Variants in COL26A1 observed in about 807,000 individuals in gnomAD.
COL26A1 encodes the protein collagen alpha-1(XXVI) chain.
Under a neutral mutation model 59.3 loss-of-function variants are expected in COL26A1, and 41 were observed. That is an observed-to-expected ratio of 0.69 (90% CI 0.54 to 0.90). COL26A1 has a LOEUF of 0.90. COL26A1 is among the 40% of genes least tolerant of loss of function. COL26A1 has a pLI of 0.00. For synonymous variants in COL26A1, 266 were observed against 256.0 expected (o/e 1.04, Z -0.37); for missense variants, 612 against 602.3 (o/e 1.02, Z -0.17).
chr7:101,369,039 A>G (rs1041388364), intron 1 of COL26A1, among the ~76,000 whole-genome samples: 2 of 151,972 alleles, frequency 1.3e-5, no homozygotes, highest in African/African-American at 4.8e-5. Context: ...TCTTACACAG[A>G]GGTAATATGC....
At position 101,553,493 on chromosome 7, in the gene COL26A1, G is replaced by A. The variant is rs867951243; in HGVS notation, c.1080+117G>A. The stretch of plus-strand genomic sequence containing the variant: ...GTCAGCCAGCCCCGAGCTGGGTGCT[G>A]GGCCACCGGGTGTACAGGGCCCCTG... On this transcript the variant is annotated intron_variant, in intron 11 of 12. Coordinates refer to ENST00000313669, the MANE Select transcript of COL26A1 (RefSeq NM_001278563.3). 5 of 959,708 alleles carry A rather than the reference G, an allele frequency of 5.2e-6. 1 individual carries two copies. In the Middle Eastern group the frequency reaches 7.8e-4, roughly 149 times the overall value. 59.4% of individuals were successfully genotyped at this position (959,708 alleles called of 1,614,324 possible). A position where few individuals can be genotyped will look rare whatever the true frequency, so the allele number is the denominator to read the frequency against.
intron 1 of COL26A1, among the ~76,000 whole-genome samples, chr7:101,404,001 G>A (rs1792072370): frequency 6.6e-6 from 1 of 152,192 alleles, no homozygotes; most frequent in East Asian, 1.9e-4. Flanking sequence ...GGCTGAGGCA[G>A]GAGAATCGCT....
At chr7:101,457,328 TTA>T (rs1308773363) in intron 3 of COL26A1, among the ~76,000 whole-genome samples, 1 of 152,178 alleles carries the variant, frequency 6.6e-6, no homozygotes, top group Non-Finnish European at 1.5e-5. Context: ...GTCATCAATG[TTA>T]TGACCTCTGG....
chr7:101,387,391 AT>A (rs1423307932), intron 1 of COL26A1, among the ~76,000 whole-genome samples: 2 of 150,056 alleles, frequency 1.3e-5, no homozygotes, highest in South Asian at 2.1e-4. Flanking sequence ...AAAAAAGTTT[AT>A]TTTTTCCCCC....
chr7:101,537,988 CT>C (rs898093312), intron 4 of COL26A1, among the ~76,000 whole-genome samples: 1 of 152,022 alleles, frequency 6.6e-6, no homozygotes, highest in African/African-American at 2.4e-5. Context: ...CCTTGTTCGA[CT>C]GGGGGCATTT....
intron 1 of COL26A1, among the ~76,000 whole-genome samples, chr7:101,414,432 T>TTGTGTGTGTGTGTGTGTGTGTGTGTG (rs34282686): frequency 2.7e-5 from 4 of 146,180 alleles, no homozygotes; most frequent in African/African-American, 1.0e-4. Context: ...CACTCTGTGT[T>TTGTGTGTGTGTGTGTGTGTGTGTGTG]TGTGTGTGTG....
intron 2 of COL26A1, among the ~76,000 whole-genome samples, chr7:101,423,281 CA>C (rs1020808762): frequency 4.7e-5 from 7 of 149,602 alleles, no homozygotes; most frequent in African/African-American, 1.7e-4. Context: ...AAAAACCAAA[CA>C]AAAAAAAAGA....
intron 1 of COL26A1, among the ~76,000 whole-genome samples, chr7:101,405,997 G>A (rs1792120189): frequency 6.6e-6 from 1 of 152,140 alleles, no homozygotes; most frequent in South Asian, 2.1e-4. Context: ...CTGGTGGCAC[G>A]GCCGTGCTCC....
intron 6 of COL26A1, among the ~76,000 whole-genome samples, chr7:101,544,411 G>C (rs1795685672): frequency 6.6e-6 from 1 of 151,936 alleles, no homozygotes; most frequent in African/African-American, 2.4e-5. Flanking sequence ...ATTTTCAATA[G>C]AGACAGGATT....
At chr7:101,409,856 G>A (rs781547171) in intron 1 of COL26A1, among the ~76,000 whole-genome samples, 1 of 152,130 alleles carries the variant, frequency 6.6e-6, no homozygotes, top group Non-Finnish European at 1.5e-5. Context: ...CACCTCCCGG[G>A]TTCATGCCAT....
At chr7:101,529,950 C>G (rs144454743) in intron 3 of COL26A1, among the ~76,000 whole-genome samples, 2 of 152,110 alleles carry the variant, frequency 1.3e-5, no homozygotes, top group Non-Finnish European at 1.5e-5. Flanking sequence ...GGCAGGCATT[C>G]GGGTCTGTGC....
chr7:101,524,768 T>C (rs546455793), intron 3 of COL26A1, among the ~76,000 whole-genome samples: 2 of 152,346 alleles, frequency 1.3e-5, no homozygotes, highest in African/African-American at 4.8e-5. Flanking sequence ...TTGTAAACTG[T>C]CTTTATATTC....
At chr7:101,409,053 C>A (rs1792188455) in intron 1 of COL26A1, among the ~76,000 whole-genome samples, 1 of 152,202 alleles carries the variant, frequency 6.6e-6, no homozygotes, top group Non-Finnish European at 1.5e-5. Flanking sequence ...CAGTTTCCTT[C>A]TCTGTAAAAG....
At chr7:101,379,938 C>T (rs1331552541) in intron 1 of COL26A1, among the ~76,000 whole-genome samples, 1 of 152,224 alleles carries the variant, frequency 6.6e-6, no homozygotes, top group East Asian at 1.9e-4. Context: ...ACCAGCGGCC[C>T]TTAGGGCTGC....
At chr7:101,381,093 C>A (rs377285916) in intron 1 of COL26A1, among the ~76,000 whole-genome samples, 18 of 152,248 alleles carry the variant, frequency 1.2e-4, no homozygotes, top group Admixed American at 3.3e-4. Flanking sequence ...TAAAATAATA[C>A]CAGTTCATTA....
intron 2 of COL26A1, among the ~76,000 whole-genome samples, chr7:101,445,575 CAA>C (rs57910184): frequency 6.7e-6 from 1 of 149,198 alleles, no homozygotes; most frequent in Non-Finnish European, 1.5e-5. Flanking sequence ...GCTAAAAATA[CAA>C]AAAAATTGGC....
chr7:101,531,839 T>G (rs768194977), intron 3 of COL26A1, among the ~76,000 whole-genome samples: 1 of 151,888 alleles, frequency 6.6e-6, no homozygotes, highest in Non-Finnish European at 1.5e-5. Context: ...AAGACGGGGA[T>G]AGCTCCAAGA....
intron 4 of COL26A1, among the ~76,000 whole-genome samples, chr7:101,534,676 CAT>C (rs977424134): frequency 5.4e-4 from 78 of 144,794 alleles, no homozygotes; most frequent in East Asian, 4.7e-3. Flanking sequence ...CACACACACA[CAT>C]GACACAACTG....
At chr7:101,393,121 G>A (rs1791773318) in intron 1 of COL26A1, among the ~76,000 whole-genome samples, 1 of 151,684 alleles carries the variant, frequency 6.6e-6, no homozygotes, top group African/African-American at 2.4e-5. Flanking sequence ...TCCTGCCTCA[G>A]CCTCCCAGTA....
Sources: gnomAD v4.1 joint callset for allele counts (sites outside exome capture counted in the v4.1 genomes callset) on GRCh38, gnomAD v4.1.1 for gene constraint, MANE v1.5 for transcripts, NCBI Gene and HGNC (gene_info 2026-07-23, HGNC 2026-07-21) for gene names.